The following LEF1 variants were observed in gnomAD, a reference collection of about 807,000 sequenced individuals.
The protein encoded by LEF1 is lymphoid enhancer binding factor 1.
In LEF1, 14 loss-of-function variants were observed where a neutral mutation model predicts 51.2. The observed-to-expected ratio is 0.27, with a 90% CI of 0.18 to 0.43. The LOEUF is 0.43. LEF1 is among the 20% of genes least tolerant of loss of function. LEF1 has a pLI of 1.00. For synonymous variants in LEF1, 185 were observed against 183.2 expected (o/e 1.01, Z -0.08); for missense variants, 386 against 512.0 (o/e 0.75, Z 2.37).
intron 4 of LEF1, 149 bp from the exon 5 acceptor site, chr4:108,083,595 G>C: frequency 1.9e-6 from 1 of 536,970 alleles, no homozygotes; most frequent in Non-Finnish European, 3.2e-6. Context: ...CCATTTGTTA[G>C]CTTTTCTCAA....
intron 3 of LEF1, among the ~76,000 whole-genome samples, chr4:108,099,582 A>G (rs1268805133): frequency 0.016 from 717 of 45,654 alleles, 40 homozygotes; most frequent in African/African-American, 0.057. Flanking sequence ...ATATATATAT[A>G]TATATATATA....
At chr4:108,107,819 C>T (rs1395753478) in intron 3 of LEF1, among the ~76,000 whole-genome samples, 4 of 152,016 alleles carry the variant, frequency 2.6e-5, no homozygotes, top group South Asian at 2.1e-4. Context: ...CCATTTTCCC[C>T]GTTACTGATA....
At chr4:108,123,492 C>T (rs1742311578) in intron 3 of LEF1, among the ~76,000 whole-genome samples, 2 of 137,864 alleles carry the variant, frequency 1.5e-5, no homozygotes. Flanking sequence ...TCCTGCGTAC[C>T]CTACAAGATA....
chr4:108,082,318 T>G (rs1739359233), intron 5 of LEF1, among the ~76,000 whole-genome samples: 1 of 152,158 alleles, frequency 6.6e-6, no homozygotes, highest in Non-Finnish European at 1.5e-5. Flanking sequence ...CTATTGCCCC[T>G]AAGTCACTAA....
At chr4:108,130,195 T>TA (rs1020721520) in intron 3 of LEF1, among the ~76,000 whole-genome samples, 1 of 151,988 alleles carries the variant, frequency 6.6e-6, no homozygotes, top group African/African-American at 2.4e-5. Context: ...GAATTAAGGC[T>TA]AAAAAAAGAG....
rs990004516 is a variant in LEF1 at position 108,047,609 on chromosome 4, C to A, written c.*1149G>T. The A allele has an allele frequency of 1.3e-5, 2 of 152,542 alleles. No individual in the cohort carries two copies. Among genetic ancestry groups the A allele is most frequent in the Non-Finnish European group, 1.5e-5 (1 of 68,046 alleles). The allele number at this position is 152,542 out of a possible 1,614,324, so 9.4% of individuals were successfully genotyped here. A position where few individuals can be genotyped will look rare whatever the true frequency, so the allele number is the denominator to read the frequency against. Reference sequence around the variant, plus strand: ...TTTAAAAAAATGCTCAGCACATTAACTCAAACTGGAATGACAAACGTTAGG... The same window carrying A: ...TTTAAAAAAATGCTCAGCACATTAAATCAAACTGGAATGACAAACGTTAGG... On this transcript the variant is annotated 3_prime_UTR_variant, in exon 12 of 12. Transcript: ENST00000265165.
intron 5 of LEF1, 98 bp from the exon 6 acceptor site, chr4:108,081,767 A>G (rs564804335): frequency 3.5e-6 from 3 of 845,964 alleles, no homozygotes; most frequent in East Asian, 5.3e-5. Context: ...ATATTCAAAC[A>G]GAATCTTGTG....
Position 108,167,648 on chromosome 4 carries a change from C to A in LEF1, c.120G>T (p.Glu40Asp), listed in dbSNP as rs778363288. ...GDPQKEKIFA[E>D]ISHPEEEGDL... Reference sequence around the variant, plus strand: ...CGCCTTCCTCTTCGGGATGACTGATCTCGGCGAAGATCTTTTCCTTCTGAG... The same window carrying A: ...CGCCTTCCTCTTCGGGATGACTGATATCGGCGAAGATCTTTTCCTTCTGAG... Residue 40 changes from glutamate to aspartate, a missense_variant, in exon 1 of 12, where the codon GAG becomes GAT. Physicochemically the swap from Glu to Asp is conservative, Grantham distance 45 (BLOSUM62 2). Around this residue, in one of 2 missense-constraint regions of LEF1, gnomAD observed 335 missense variants for 390.7 expected, o/e 0.86. Coordinates refer to ENST00000265165, the MANE Select transcript of LEF1 (RefSeq NM_016269.5). The surrounding 1 kb of genome is among the most constrained non-coding windows in gnomAD (Gnocchi z 5.7). 6.2e-7 allele frequency: 1 copy of A among 1,614,220 alleles called. No homozygotes were observed. Among genetic ancestry groups the A allele is most frequent in the South Asian group, 1.1e-5 (1 of 91,080 alleles).
chr4:108,081,668 G>A lies in LEF1; in HGVS notation c.640C>T (p.Gln214Ter). 1 of 1,613,400 alleles carries A rather than the reference G, an allele frequency of 6.2e-7. No homozygotes were observed. The highest frequency in any genetic ancestry group is 8.5e-7 in the Non-Finnish European group (1 of 1,179,420). ...VGQITPPLGW[Q>*]GQPVYPITGG... ...GTGATGGGATATACAGGCTGACCTT[G>A]CCTGAGGTCACAGAAGAAAGGAACC... The change falls in exon 6 of 12, where the codon CAA becomes TAA. Residue 214 changes from glutamine to a stop codon, truncating the protein, a stop_gained and splice_region_variant. Coordinates refer to ENST00000265165, the MANE Select transcript of LEF1 (RefSeq NM_016269.5). LOFTEE classifies it high-confidence loss of function.
intron 3 of LEF1, among the ~76,000 whole-genome samples, chr4:108,145,433 T>C (rs1011106864): frequency 2.0e-5 from 3 of 152,250 alleles, no homozygotes; most frequent in African/African-American, 7.2e-5. Flanking sequence ...GATAATTATA[T>C]AGTTCAGGTA....
intron 11 of LEF1, among the ~76,000 whole-genome samples, chr4:108,056,842 C>G (rs1353064484): frequency 6.6e-6 from 1 of 150,732 alleles, no homozygotes; most frequent in Non-Finnish European, 1.5e-5. Context: ...GTCGCTTCCA[C>G]AGGACCTCAC....
chr4:108,101,008 A>G lies in LEF1; in HGVS notation c.415-11751T>C, dbSNP rs141694960. ...TCCTGCTAACACTGGAGGGATGTGT[A>G]GGCATTTGTCCCTAATTACTCTGTC... is the stretch of plus-strand genomic sequence containing the variant. On this transcript the variant is annotated intron_variant, in intron 3 of 11. Transcript: ENST00000265165. 6.4e-4 allele frequency among the ~76,000 whole-genome samples: 97 copies of G among 152,296 alleles called. 1 individual carries two copies. The East Asian group carries it at 0.014, about 22-fold the overall frequency.
intron 3 of LEF1, among the ~76,000 whole-genome samples, chr4:108,146,881 C>A (rs1744026127): frequency 6.6e-6 from 1 of 152,094 alleles, no homozygotes; most frequent in African/African-American, 2.4e-5. Context: ...AAGTCTGGTA[C>A]CATAAGAAGT....
chr4:108,074,086 A>G (rs1738685585), intron 8 of LEF1, among the ~76,000 whole-genome samples: 1 of 152,220 alleles, frequency 6.6e-6, no homozygotes, highest in South Asian at 2.1e-4. Context: ...CAAATAGAAG[A>G]TCACTTACCA....
At chr4:108,104,776 T>G in intron 3 of LEF1, 1 of 625,996 alleles carries the variant, frequency 1.6e-6, no homozygotes, top group Non-Finnish European at 2.0e-6. Context: ...CCCCTCCCCT[T>G]CCAGGGCTCT....
intron 8 of LEF1, among the ~76,000 whole-genome samples, chr4:108,075,726 T>A (rs925977224): frequency 6.6e-6 from 1 of 152,224 alleles, no homozygotes; most frequent in Non-Finnish European, 1.5e-5. Context: ...GGCTGACAGT[T>A]GGATAAACAA....
At chr4:108,081,317 G>T (rs1416584468) in intron 6 of LEF1, among the ~76,000 whole-genome samples, 1 of 152,038 alleles carries the variant, frequency 6.6e-6, no homozygotes, top group Non-Finnish European at 1.5e-5. Flanking sequence ...CCACAGTCAG[G>T]CGGCCATGAA....
At chr4:108,122,980 A>G (rs949203704) in intron 3 of LEF1, among the ~76,000 whole-genome samples, 1 of 152,184 alleles carries the variant, frequency 6.6e-6, no homozygotes, top group African/African-American at 2.4e-5. Flanking sequence ...TTTTTGTCTG[A>G]CTCAACTGCA....
chr4:108,073,457 A>C (rs1738629353), intron 8 of LEF1, among the ~76,000 whole-genome samples: 1 of 152,218 alleles, frequency 6.6e-6, no homozygotes, highest in African/African-American at 2.4e-5. Context: ...CAAGAGGCAA[A>C]GTTTTACCAA....
Sources: gnomAD v4.1 joint callset for allele counts (sites outside exome capture counted in the v4.1 genomes callset) on GRCh38, gnomAD v4.1.1 for gene constraint, gnomAD v4.1.1 regional missense constraint, Gnocchi (gnomAD v3.1) non-coding constraint, MANE v1.5 for transcripts, NCBI Gene and HGNC (gene_info 2026-07-23, HGNC 2026-07-21) for gene names.